The following TMEM116 variants were observed in gnomAD, a reference collection of about 807,000 sequenced individuals.
TMEM116 encodes the protein transmembrane protein 116.
In TMEM116, 38 loss-of-function variants were observed where a neutral mutation model predicts 44.3. The observed-to-expected ratio is 0.86, with a 90% CI of 0.66 to 1.12. TMEM116 has a LOEUF of 1.12. Ranked by LOEUF, TMEM116 falls within the 50% of genes most tolerant of loss-of-function variation. The pLI is 0.00. For missense variants in TMEM116, 354 were observed against 401.7 expected (o/e 0.88, Z 1.01); for synonymous variants, 132 against 144.8 (o/e 0.91, Z 0.64).
intron 6 of TMEM116, 199 bp downstream of exon 6, chr12:111,937,962 A>G: frequency 2.7e-6 from 1 of 370,588 alleles, no homozygotes; most frequent in Admixed American, 4.7e-5. Context: ...GCTAAAACCC[A>G]AATCTATAAC....
Position 111,960,195 on chromosome 12 carries a change from C to G in TMEM116, c.211-16826G>C, listed in dbSNP as rs548953756. On this transcript the variant is annotated intron_variant, in intron 4 of 10. Coordinates refer to ENST00000552374, the MANE Select transcript of TMEM116 (RefSeq NM_001193531.2). ...CAAATTAGAACTCAGGATTAAGAAA[C>G]TCACTCAGAATCGGCCGGGCACAGT... is the stretch of plus-strand genomic sequence containing the variant. Among the ~76,000 whole-genome samples the G allele has an allele frequency of 2.2e-3, 336 of 152,196 alleles. 1 individual carries two copies. In the Middle Eastern group the frequency reaches 0.031, roughly 14 times the overall value.
chr12:111,990,812 T>A (rs2076519027), intron 4 of TMEM116, among the ~76,000 whole-genome samples: 1 of 152,224 alleles, frequency 6.6e-6, no homozygotes, highest in Admixed American at 6.5e-5. Flanking sequence ...AATCCAGTGT[T>A]TATTTTACTC....
chr12:111,937,284 T>TTCA (rs2072244632), intron 6 of TMEM116, 41 bp from the exon 7 acceptor site: 1 of 1,460,560 alleles, frequency 6.8e-7, no homozygotes. Context: ...TCCACTCTTT[T>TTCA]TCATGCCCTT....
intron 1 of TMEM116, among the ~76,000 whole-genome samples, chr12:112,007,384 A>C (rs1035986788): frequency 1.3e-5 from 2 of 152,244 alleles, no homozygotes; most frequent in Admixed American, 1.3e-4. Flanking sequence ...ACTGCACTCC[A>C]GCCTGGATGA....
At chr12:111,960,697 TA>T (rs2074521095) in intron 4 of TMEM116, among the ~76,000 whole-genome samples, 1 of 152,038 alleles carries the variant, frequency 6.6e-6, no homozygotes, top group Non-Finnish European at 1.5e-5. Flanking sequence ...GGGAAATTTA[TA>T]GCACTAAATG....
rs1219389663 is a variant in TMEM116 at position 111,991,908 on chromosome 12, C to T, written c.79-19G>A. On this transcript the variant is annotated intron_variant, in intron 3 of 10. Coordinates refer to ENST00000552374, the MANE Select transcript of TMEM116 (RefSeq NM_001193531.2). Reference sequence around the variant, plus strand: ...GTCTTATCTGTCAAAGTAATAAAATCCTCATTTCATATGTGATGTAGCTAG... The same window carrying T: ...GTCTTATCTGTCAAAGTAATAAAATTCTCATTTCATATGTGATGTAGCTAG... 46 of 1,531,918 alleles carry T rather than the reference C, an allele frequency of 3.0e-5. No homozygotes were observed. The highest frequency in any genetic ancestry group is 1.7e-4 in the Middle Eastern group (1 of 5,962). The allele number at this position is 1,531,918 out of a possible 1,614,324, so 94.9% of individuals were successfully genotyped here.
chr12:111,996,821 A>C (rs751955053), intron 3 of TMEM116, among the ~76,000 whole-genome samples: 1 of 152,242 alleles, frequency 6.6e-6, no homozygotes, highest in Admixed American at 6.5e-5. Flanking sequence ...GTATATTCAT[A>C]CTACAGAATA....
intron 4 of TMEM116, among the ~76,000 whole-genome samples, chr12:111,943,659 C>T (rs1446599175): frequency 1.3e-5 from 2 of 152,122 alleles, no homozygotes; most frequent in Non-Finnish European, 1.5e-5. Context: ...CTCAGCCTCC[C>T]GAGTAGCTGG....
intron 4 of TMEM116, chr12:111,978,729 C>T (rs1422610652): frequency 2.3e-6 from 1 of 434,432 alleles, no homozygotes; most frequent in Non-Finnish European, 4.6e-6. Flanking sequence ...AGGAAGTGGG[C>T]TCTTACCAGA....
At chr12:111,964,814 A>G (rs1170102604) in intron 4 of TMEM116, among the ~76,000 whole-genome samples, 3 of 152,094 alleles carry the variant, frequency 2.0e-5, no homozygotes, top group African/African-American at 7.2e-5. Context: ...CAGCCTCCTG[A>G]GTAGCTGGGA....
chr12:111,945,343 C>CAAAAAAAAAAAAA (rs917839133), intron 4 of TMEM116, among the ~76,000 whole-genome samples: 3 of 33,824 alleles, frequency 8.9e-5, no homozygotes, highest in African/African-American at 1.5e-4. Flanking sequence ...GACTCCATCT[C>CAAAAAAAAAAAAA]AAAAAAAAAA....
chr12:111,934,280 T>C (rs752795752), intron 8 of TMEM116: 5 of 401,040 alleles, frequency 1.2e-5, no homozygotes, highest in Non-Finnish European at 2.3e-5. Context: ...CACATGAACC[T>C]TACATCAACC....
chr12:111,952,102 G>C (rs181561169), intron 4 of TMEM116, among the ~76,000 whole-genome samples: 2 of 152,176 alleles, frequency 1.3e-5, no homozygotes, highest in Non-Finnish European at 2.9e-5. Context: ...GGTGGCATGC[G>C]CCTGTAATCC....
Position 111,996,665 on chromosome 12 carries a change from T to A in TMEM116, c.79-4776A>T, listed in dbSNP as rs10774645. Among the ~76,000 whole-genome samples the A allele has an allele frequency of 0.055, 8,436 of 152,202 alleles. 1,297 individuals are homozygous for A. In the East Asian group the frequency reaches 0.61, roughly 11 times the overall value. The stretch of plus-strand genomic sequence containing the variant: ...TCTGATATTGGGCAAATATACTAGA[T>A]AAGCTTATGCATTTGCGCACCAGAA... On this transcript the variant is annotated intron_variant, in intron 3 of 10. Transcript: ENST00000552374.
chr12:112,001,450 T>C (rs2077251834), intron 3 of TMEM116, among the ~76,000 whole-genome samples: 1 of 152,150 alleles, frequency 6.6e-6, no homozygotes, highest in Non-Finnish European at 1.5e-5. Flanking sequence ...TAGCTAGAAC[T>C]ATAGGCACCT....
intron 4 of TMEM116, among the ~76,000 whole-genome samples, chr12:111,948,272 C>T (rs2073435992): frequency 6.6e-6 from 1 of 152,164 alleles, no homozygotes; most frequent in Non-Finnish European, 1.5e-5. Context: ...AGAAATAGTT[C>T]AAGTCTTCTG....
At chr12:111,995,735 C>G (rs1471907920) in intron 3 of TMEM116, among the ~76,000 whole-genome samples, 2 of 152,006 alleles carry the variant, frequency 1.3e-5, no homozygotes, top group Non-Finnish European at 2.9e-5. Flanking sequence ...GAGACTCCAT[C>G]TAATCAGTTC....
At chr12:111,949,885 C>T (rs2073579837) in intron 4 of TMEM116, among the ~76,000 whole-genome samples, 2 of 152,068 alleles carry the variant, frequency 1.3e-5, no homozygotes. Flanking sequence ...AAGACCGAGG[C>T]GGGTGGATCA....
At chr12:112,000,505 G>A (rs915681115) in intron 3 of TMEM116, among the ~76,000 whole-genome samples, 26 of 151,522 alleles carry the variant, frequency 1.7e-4, no homozygotes, top group African/African-American at 5.8e-4. Flanking sequence ...GAGAGTTACT[G>A]CCTCTCATGA....
Sources: gnomAD v4.1 joint callset for allele counts (sites outside exome capture counted in the v4.1 genomes callset) on GRCh38, gnomAD v4.1.1 for gene constraint, MANE v1.5 for transcripts, NCBI Gene and HGNC (gene_info 2026-07-23, HGNC 2026-07-21) for gene names.